The following PCDHGB4 variants were observed in gnomAD, a reference collection of about 807,000 sequenced individuals.
PCDHGB4 encodes protocadherin gamma-B4.
In PCDHGB4, 38 loss-of-function variants were observed where a neutral mutation model predicts 60.5. That is an observed-to-expected ratio of 0.63 (90% confidence interval 0.48 to 0.82). The LOEUF is 0.82. PCDHGB4 is among the 40% of genes least tolerant of loss of function. The probability of loss-of-function intolerance (pLI) is 0.00; values close to 1 mark genes in which losing one functional copy is unlikely to be tolerated. For missense variants in PCDHGB4, 1,109 were observed against 1,209.6 expected (o/e 0.92, Z 1.23); for synonymous variants, 456 against 509.7 (o/e 0.89, Z 1.42).
At chr5:141,424,945 C>A (rs2096849463) in intron 1 of PCDHGB4, among the ~76,000 whole-genome samples, 1 of 152,186 alleles carries the variant, frequency 6.6e-6, no homozygotes, top group Admixed American at 6.5e-5. Flanking sequence ...TCTCACATCA[C>A]TTCTAGGTAT....
chr5:141,390,095 T>TC lies in PCDHGB4; in HGVS notation c.2217dup (p.Asn740GlnfsTer24). 1 of 1,613,972 alleles carries TC rather than the reference T, an allele frequency of 6.2e-7. No homozygotes were observed. The highest frequency in any genetic ancestry group is 1.1e-5 in the South Asian group (1 of 91,080). Reference sequence around the variant, plus strand: ...TCTGTGTTAAATCCGAATCCGTGGTTCCCCCCAACTACAGCGAGGGGACTT... The same window carrying TC: ...TCTGTGTTAAATCCGAATCCGTGGTTCCCCCCCAACTACAGCGAGGGGACTT... On this transcript the variant is annotated frameshift_variant, in exon 1 of 4. Transcript: ENST00000519479. LOFTEE classifies it high-confidence loss of function.
Position 141,390,147 on chromosome 5 carries a change from G to C in PCDHGB4, c.2263G>C (p.Ala755Pro). 6.2e-7 allele frequency: 1 copy of C among 1,614,034 alleles called. No individual in the cohort carries two copies. The highest frequency in any genetic ancestry group is 8.5e-7 in the Non-Finnish European group (1 of 1,179,914). ...GCCTTATTCCTACAATCTATGTGTTGCACATACAGGAAAGACGGAGTTTAA... is the reference window on the plus strand; with the variant it reads ...GCCTTATTCCTACAATCTATGTGTTCCACATACAGGAAAGACGGAGTTTAA... ...TLPYSYNLCV[A>P]HTGKTEFNFL... is the part of the protein sequence containing the mutation. The change falls in exon 1 of 4, where the codon GCA (alanine) becomes CCA (proline). Residue 755 changes from alanine (A) to proline (P), a missense_variant. By Grantham distance (27) the Ala-to-Pro change is conservative. This residue lies in a region of PCDHGB4 where 1,068 missense variants were observed against 1,089.9 expected (regional missense o/e 0.98). Transcript: ENST00000519479.
intron 1 of PCDHGB4, chr5:141,424,789 A>T (rs538504226): frequency 2.0e-5 from 3 of 152,238 alleles, no homozygotes; most frequent in African/African-American, 7.2e-5. Flanking sequence ...CAGTTCTTTT[A>T]TTCAGACCAA....
intron 1 of PCDHGB4, chr5:141,414,354 T>C (rs1389145668): frequency 1.2e-6 from 2 of 1,613,800 alleles, no homozygotes; most frequent in Admixed American, 1.7e-5. Flanking sequence ...TTTTGGCGTA[T>C]CTACCATTTA....
chr5:141,431,416 C>G lies in PCDHGB4; in HGVS notation c.2397+41135C>G, dbSNP rs778722151. 3 of 1,613,596 alleles carry G rather than the reference C, an allele frequency of 1.9e-6. No homozygotes were observed. The highest frequency in any genetic ancestry group is 2.7e-5 in the African/African-American group (2 of 74,954). On this transcript the variant is annotated intron_variant, in intron 1 of 3. Coordinates refer to ENST00000519479, the MANE Select transcript of PCDHGB4 (RefSeq NM_003736.4). The surrounding 1 kb of genome is among the most constrained non-coding windows in gnomAD (Gnocchi z 4.8). ...TCCTTACGGCCTCCGACGGGGGCGA[C>G]CCGGTGCGCACAGGCACCGCGCGCA...
At chr5:141,473,939 C>T (rs1301939679) in intron 1 of PCDHGB4, among the ~76,000 whole-genome samples, 2 of 152,068 alleles carry the variant, frequency 1.3e-5, no homozygotes, top group African/African-American at 2.4e-5. Context: ...TGCAGTAGCT[C>T]AGGCCTGTAG....
At chr5:141,452,760 G>C (rs920853226) in intron 1 of PCDHGB4, among the ~76,000 whole-genome samples, 1 of 152,120 alleles carries the variant, frequency 6.6e-6, no homozygotes, top group African/African-American at 2.4e-5. Context: ...AAGGAAGGGA[G>C]GGAGGGAAAA....
rs776718024 is a variant in PCDHGB4 at position 141,486,333 on chromosome 5, T to C, written c.2398-8474T>C. 8.1e-6 allele frequency: 13 copies of C among 1,614,080 alleles called. No individual in the cohort carries two copies. Among genetic ancestry groups the C allele is most frequent in the Non-Finnish European group, 1.1e-5 (13 of 1,179,998 alleles). On this transcript the variant is annotated intron_variant, in intron 1 of 3. Coordinates refer to ENST00000519479, the MANE Select transcript of PCDHGB4 (RefSeq NM_003736.4). The surrounding 1 kb of genome is among the most constrained non-coding windows in gnomAD (Gnocchi z 5.0). ...TCAGGGTCAAACGGAGATGTGAGCC[T>C]CCGCATTCCTGACCACTTGCCATTT...
chr5:141,467,476 G>C (rs114088806), intron 1 of PCDHGB4, among the ~76,000 whole-genome samples: 1,866 of 152,156 alleles, frequency 0.012, 41 homozygotes, highest in African/African-American at 0.043. Flanking sequence ...CATGGTTTTT[G>C]GTTTCCACAT....
rs765534200 is a variant in PCDHGB4 at position 141,410,067 on chromosome 5, G to A, written c.2397+19786G>A. 8.1e-6 allele frequency: 13 copies of A among 1,612,846 alleles called. No individual in the cohort carries two copies. In the South Asian group the frequency reaches 1.3e-4, roughly 16 times the overall value. ...CCCGGACTCTTCAGCCTGGGGCTGC[G>A]CACTGGGGAGGTGCGCACGGCTCGA... is the stretch of plus-strand genomic sequence containing the variant. On this transcript the variant is annotated intron_variant, in intron 1 of 3. Transcript: ENST00000519479.
intron 1 of PCDHGB4, among the ~76,000 whole-genome samples, chr5:141,459,880 C>G (rs1240703946): frequency 6.6e-6 from 1 of 152,134 alleles, no homozygotes; most frequent in Non-Finnish European, 1.5e-5. Context: ...TTTAACTGAG[C>G]TGAACGCCTT....
At chr5:141,495,810 C>A (rs1003475681) in intron 2 of PCDHGB4, among the ~76,000 whole-genome samples, 2 of 152,088 alleles carry the variant, frequency 1.3e-5, no homozygotes, top group African/African-American at 4.8e-5. Flanking sequence ...CGTTTCCTAG[C>A]GCCTTGTGTT....
intron 1 of PCDHGB4, among the ~76,000 whole-genome samples, chr5:141,456,499 A>C (rs1283501704): frequency 6.6e-6 from 1 of 152,210 alleles, no homozygotes; most frequent in Non-Finnish European, 1.5e-5. Flanking sequence ...AAAGGGGTTA[A>C]CCAATTCCAT....
intron 1 of PCDHGB4, 176 bp downstream of exon 1, chr5:141,390,457 G>T: frequency 1.3e-6 from 1 of 767,062 alleles, no homozygotes; most frequent in South Asian, 1.9e-5. Flanking sequence ...GAGTAAAGTA[G>T]GAGCAATTGT....
At chr5:141,418,127 A>G in intron 1 of PCDHGB4, 1 of 1,614,104 alleles carries the variant, frequency 6.2e-7, no homozygotes, top group East Asian at 2.2e-5. Flanking sequence ...GAAGGACCGA[A>G]TAGACCGTGA....
Position 141,491,686 on chromosome 5 carries a change from C to A in PCDHGB4, c.2398-3121C>A. The A allele has an allele frequency of 6.2e-7, 1 of 1,612,970 alleles. No homozygotes were observed. The highest frequency in any genetic ancestry group is 8.5e-7 in the Non-Finnish European group (1 of 1,179,558). Reference sequence around the variant, plus strand: ...CATCCGGTCCCGCTCTAATACGCTGCGGGAGCGGAGCCAGGTGAGGGGCTC... The same window carrying A: ...CATCCGGTCCCGCTCTAATACGCTGAGGGAGCGGAGCCAGGTGAGGGGCTC... On this transcript the variant is annotated intron_variant, in intron 1 of 3. Coordinates refer to ENST00000519479, the MANE Select transcript of PCDHGB4 (RefSeq NM_003736.4). The surrounding 1 kb of genome is among the most constrained non-coding windows in gnomAD (Gnocchi z 6.9).
intron 1 of PCDHGB4, chr5:141,398,164 AG>A (rs970849138): frequency 6.8e-7 from 1 of 1,481,390 alleles, no homozygotes; most frequent in African/African-American, 1.4e-5. Context: ...CCGGGCTGAG[AG>A]GCTGCCAGTG....
Position 141,491,215 on chromosome 5 carries a change from A to G in PCDHGB4, c.2398-3592A>G, listed in dbSNP as rs546893944. 2.5e-6 allele frequency: 4 copies of G among 1,614,196 alleles called. No individual in the cohort carries two copies. Among genetic ancestry groups the G allele is most frequent in the Non-Finnish European group, 3.4e-6 (4 of 1,180,036 alleles). On this transcript the variant is annotated intron_variant, in intron 1 of 3. Coordinates refer to ENST00000519479, the MANE Select transcript of PCDHGB4 (RefSeq NM_003736.4). This position sits in a 1 kb window ranked among gnomAD's most constrained non-coding sequence, Gnocchi z 6.9. ...CAATGGTGACCCTTCACTCTCCTCC[A>G]CAGCCACAGTGCTGCTGGTTCTGGA...
rs199936765 is a variant in PCDHGB4 at position 141,408,488 on chromosome 5, T to G, written c.2397+18207T>G. Reference sequence around the variant, plus strand: ...GAACCGAATAGACCGTGAGCAAATATGCAAAGAGAGAAGAAGATGTGAGTT... The same window carrying G: ...GAACCGAATAGACCGTGAGCAAATAGGCAAAGAGAGAAGAAGATGTGAGTT... On this transcript the variant is annotated intron_variant, in intron 1 of 3. Transcript: ENST00000519479. 8.1e-5 allele frequency: 130 copies of G among 1,614,012 alleles called. No individual in the cohort carries two copies. The Middle Eastern group carries it at 1.8e-3, about 23-fold the overall frequency.
Sources: gnomAD v4.1 joint callset for allele counts (sites outside exome capture counted in the v4.1 genomes callset) on GRCh38, gnomAD v4.1.1 for gene constraint, gnomAD v4.1.1 regional missense constraint, Gnocchi (gnomAD v3.1) non-coding constraint, MANE v1.5 for transcripts, NCBI Gene and HGNC (gene_info 2026-07-23, HGNC 2026-07-21) for gene names.